Variants in RFC3 observed in about 807,000 individuals in gnomAD.
The protein encoded by RFC3 is A1 38 kDa subunit.
A neutral mutation model predicts 45.1 loss-of-function variants in RFC3; 41 were observed. That is an observed-to-expected ratio of 0.91 (90% confidence interval 0.71 to 1.18). The LOEUF (loss-of-function observed/expected upper bound fraction) is 1.18. Among genes scored for constraint, RFC3 ranks in the 50% most tolerant of loss-of-function variants. The pLI is 0.00. For synonymous variants in RFC3, 149 were observed against 144.0 expected (o/e 1.03, Z -0.25); for missense variants, 423 against 428.1 (o/e 0.99, Z 0.10).
intron 8 of RFC3, among the ~76,000 whole-genome samples, chr13:33,926,313 C>G (rs2082813140): frequency 6.6e-6 from 1 of 151,396 alleles, no homozygotes; most frequent in African/African-American, 2.4e-5. Flanking sequence ...ACATATGTAA[C>G]TAACCTGCAC....
At chr13:33,936,374 C>T (rs1183067608) in intron 8 of RFC3, among the ~76,000 whole-genome samples, 2 of 151,986 alleles carry the variant, frequency 1.3e-5, no homozygotes, top group African/African-American at 4.8e-5. Context: ...TAGTTATAAC[C>T]ATGGATGCTA....
Position 33,856,178 on chromosome 13 carries a change from CT to C in RFC3, c.879+20964del, listed in dbSNP as rs1332516867. Among the ~76,000 whole-genome samples the C allele has an allele frequency of 2.0e-5, 3 of 152,108 alleles. No individual in the cohort carries two copies. The East Asian group carries it at 5.8e-4, about 29-fold the overall frequency. ...AAGGAAGTAAAACAGTCTCAATGTCCTTTGCAGCAACACAGATGGAGCAGGA... is the reference window on the plus strand; with the variant it reads ...AAGGAAGTAAAACAGTCTCAATGTCCTTGCAGCAACACAGATGGAGCAGGA... On this transcript the variant is annotated intron_variant, in intron 8 of 8. Transcript: ENST00000434425.
chr13:33,968,784 G>T (rs761528469), downstream of RFC3, among the ~76,000 whole-genome samples: 1 of 152,076 alleles, frequency 6.6e-6, no homozygotes, highest in Non-Finnish European at 1.5e-5. Context: ...GAAGATTGTC[G>T]TCAATATCCT....
intron 8 of RFC3, among the ~76,000 whole-genome samples, chr13:33,857,550 T>C (rs2082315545): frequency 6.6e-6 from 1 of 151,948 alleles, no homozygotes; most frequent in Non-Finnish European, 1.5e-5. Flanking sequence ...GCCCAATGAA[T>C]TAAGAAGATG....
intron 8 of RFC3, among the ~76,000 whole-genome samples, chr13:33,903,178 T>C (rs888668860): frequency 1.3e-5 from 2 of 152,070 alleles, no homozygotes; most frequent in Admixed American, 6.6e-5. Context: ...CTCAGCCTAC[T>C]ACAGAGAAAG....
intron 8 of RFC3, chr13:33,846,922 T>A (rs1240606463): frequency 7.9e-5 from 12 of 152,396 alleles, no homozygotes; most frequent in Non-Finnish European, 1.5e-4. Context: ...TTTTTTTTGG[T>A]GGAGTCTCAC....
At chr13:33,911,827 C>G (rs2082705239) in intron 8 of RFC3, among the ~76,000 whole-genome samples, 2 of 152,082 alleles carry the variant, frequency 1.3e-5, no homozygotes, top group African/African-American at 4.8e-5. Context: ...ATACCTCCCA[C>G]TAGGACCCAC....
At position 33,854,553 on chromosome 13, in the gene RFC3, A is replaced by C. The variant is rs138431569; in HGVS notation, c.879+19336A>C. Among the ~76,000 whole-genome samples, 16 of 152,314 alleles carry C rather than the reference A, an allele frequency of 1.1e-4. No homozygotes were observed. The East Asian group carries it at 2.7e-3, about 26-fold the overall frequency. ...AGCTAAGATGAATTATGAATGAAGA[A>C]GTCTTTCCTAGCAGATGGGTTTCAT... On this transcript the variant is annotated intron_variant, in intron 8 of 8. Transcript: ENST00000434425.
intron 1 of RFC3, 38 bp from the exon 2 acceptor site, chr13:33,821,094 G>A (rs2081998433): frequency 3.1e-6 from 5 of 1,610,922 alleles, no homozygotes; most frequent in Non-Finnish European, 2.5e-6. Context: ...GAGCAGTTCA[G>A]TTTGACTAGG....
intron 8 of RFC3, among the ~76,000 whole-genome samples, chr13:33,867,752 TGAAGATGAAAG>T (rs1339464112): frequency 6.6e-6 from 1 of 152,196 alleles, no homozygotes; most frequent in Non-Finnish European, 1.5e-5. Context: ...CTATGTTGGC[TGAAGATGAAAG>T]GAAGATGAAT....
At chr13:33,949,590 G>T (rs1189374423) in intron 8 of RFC3, among the ~76,000 whole-genome samples, 1 of 152,168 alleles carries the variant, frequency 6.6e-6, no homozygotes, top group Non-Finnish European at 1.5e-5. Flanking sequence ...TGACATGATT[G>T]TACTGTGGTG....
intron 8 of RFC3, among the ~76,000 whole-genome samples, chr13:33,866,843 A>G (rs182870833): frequency 4.6e-5 from 7 of 152,354 alleles, no homozygotes; most frequent in Non-Finnish European, 8.8e-5. Context: ...GTATTTAAAA[A>G]GCCAGATGAT....
At chr13:33,932,046 T>C (rs909717261) in intron 8 of RFC3, among the ~76,000 whole-genome samples, 3 of 152,150 alleles carry the variant, frequency 2.0e-5, no homozygotes, top group African/African-American at 7.2e-5. Context: ...GTTCATTAAT[T>C]CTACAAATGC....
rs17080207 is a variant in RFC3, at chr13:33,928,753, C to G, written c.880-37334C>G. ...GTGTTTAAACCTGTACAGTGTTGAT[C>G]AGTTGCACGCCATTCAGTGAACTAG... On this transcript the variant is annotated intron_variant, in intron 8 of 8. Coordinates refer to the RFC3 transcript ENST00000434425. 9.8e-3 allele frequency among the ~76,000 whole-genome samples: 1,490 copies of G among 152,132 alleles called. 26 individuals are homozygous for G. The highest frequency in any genetic ancestry group is 0.033 in the African/African-American group (1,388 of 41,486).
At chr13:33,856,866 C>T (rs764100933) in intron 8 of RFC3, among the ~76,000 whole-genome samples, 1 of 152,256 alleles carries the variant, frequency 6.6e-6, no homozygotes, top group Non-Finnish European at 1.5e-5. Context: ...ATTACTATGA[C>T]TTGAAAGGCT....
intron 4 of RFC3, among the ~76,000 whole-genome samples, chr13:33,826,721 G>GT (rs1312308847): frequency 1.3e-5 from 2 of 151,946 alleles, no homozygotes; most frequent in African/African-American, 4.8e-5. Flanking sequence ...TTCTCTTACT[G>GT]TTTTTAATTG....
chr13:33,827,237 T>C (rs941033395), intron 4 of RFC3, among the ~76,000 whole-genome samples: 2 of 152,146 alleles, frequency 1.3e-5, no homozygotes, highest in Non-Finnish European at 2.9e-5. Context: ...TGCAGTGAGC[T>C]GTGATTGCAC....
intron 8 of RFC3, chr13:33,846,363 G>T (rs922322470): frequency 6.6e-5 from 10 of 152,270 alleles, no homozygotes; most frequent in Non-Finnish European, 1.3e-4. Flanking sequence ...AAGGCAGCGG[G>T]TTCCCTTCTG....
At chr13:33,912,236 C>T (rs1045004638) in intron 8 of RFC3, among the ~76,000 whole-genome samples, 4 of 151,954 alleles carry the variant, frequency 2.6e-5, no homozygotes, top group Non-Finnish European at 1.5e-5. Context: ...AGTTGTCATT[C>T]GACAAATGGA....
Sources: gnomAD v4.1 joint callset for allele counts (sites outside exome capture counted in the v4.1 genomes callset) on GRCh38, gnomAD v4.1.1 for gene constraint, MANE v1.5 for transcripts, NCBI Gene and HGNC (gene_info 2026-07-23, HGNC 2026-07-21) for gene names.